Variants in TOX3 observed in about 807,000 individuals in gnomAD.
The protein encoded by TOX3 is CAG trinucleotide repeat-containing gene F9 protein.
A neutral mutation model predicts 64.3 loss-of-function variants in TOX3; 22 were observed. The ratio of observed to expected loss-of-function variants is 0.34; its 90% CI spans 0.24 to 0.49. The LOEUF (loss-of-function observed/expected upper bound fraction) is 0.49, where lower values mean the gene tolerates loss of function less well. Among genes scored for constraint, TOX3 ranks in the 20% least tolerant of loss-of-function variants. The pLI, the probability that TOX3 is intolerant of heterozygous loss-of-function variation, is 0.99. For missense variants in TOX3, 661 were observed against 714.4 expected (o/e 0.93, Z 0.85); for synonymous variants, 291 against 273.6 (o/e 1.06, Z -0.63).
intron 1 of TOX3, among the ~76,000 whole-genome samples, chr16:52,504,426 C>G (rs1015362421): frequency 6.9e-6 from 1 of 145,556 alleles, no homozygotes; most frequent in Non-Finnish European, 1.5e-5. Context: ...GAGATCGTGT[C>G]ACTGCACTCC....
At chr16:52,455,255 G>A (rs1960480880) in intron 3 of TOX3, among the ~76,000 whole-genome samples, 1 of 152,020 alleles carries the variant, frequency 6.6e-6, no homozygotes, top group Admixed American at 6.6e-5. Context: ...GAGTTTCTCA[G>A]CCTGAGTGGT....
intron 1 of TOX3, among the ~76,000 whole-genome samples, chr16:52,472,872 T>A (rs991072996): frequency 2.0e-5 from 3 of 152,166 alleles, no homozygotes; most frequent in Non-Finnish European, 4.4e-5. Context: ...TCCCCAAAGA[T>A]AGAGTCCCCA....
chr16:52,444,401 T>G, intron 5 of TOX3, 45 bp from the exon 6 acceptor site: 1 of 1,463,718 alleles, frequency 6.8e-7, no homozygotes, highest in Non-Finnish European at 9.3e-7. Flanking sequence ...GTATAAATTC[T>G]CAGCTATAAA....
intron 1 of TOX3, among the ~76,000 whole-genome samples, chr16:52,545,703 C>G (rs1377340126): frequency 6.6e-6 from 1 of 152,184 alleles, no homozygotes; most frequent in African/African-American, 2.4e-5. Context: ...TTCTCTGAAT[C>G]TCGCCCTCAG....
At position 52,445,978 on chromosome 16, in the gene TOX3, T is replaced by C. The variant is rs1960149923; in HGVS notation, c.906+16A>G. The C allele has an allele frequency of 3.1e-6, 5 of 1,606,342 alleles. No homozygotes were observed. In the East Asian group the frequency reaches 6.7e-5, roughly 22 times the overall value. On this transcript the variant is annotated intron_variant, in intron 5 of 6. Coordinates refer to ENST00000219746, the MANE Select transcript of TOX3 (RefSeq NM_001080430.4). ...ATGAGGTTTATTGATGGAGCCTTGA[T>C]GGGTCTTTGTCTCACCTGCTTTTGT...
At chr16:52,452,894 T>C (rs1484022569) in intron 3 of TOX3, among the ~76,000 whole-genome samples, 1 of 152,210 alleles carries the variant, frequency 6.6e-6, no homozygotes, top group Non-Finnish European at 1.5e-5. Context: ...CACTCCCTTA[T>C]ATCACCGGCA....
chr16:52,519,707 C>T, intron 1 of TOX3: 1 of 833,436 alleles, frequency 1.2e-6, no homozygotes, highest in Non-Finnish European at 1.6e-6. Context: ...CCTGTAATCC[C>T]AGCACTTTGG....
chr16:52,464,453 A>C (rs1176205171), intron 2 of TOX3, among the ~76,000 whole-genome samples: 1 of 152,196 alleles, frequency 6.6e-6, no homozygotes, highest in Non-Finnish European at 1.5e-5. Flanking sequence ...AATTAGCAAC[A>C]TCTGTCTTTG....
chr16:52,473,362 T>TAA (rs10532665), intron 1 of TOX3, among the ~76,000 whole-genome samples: 94 of 145,468 alleles, frequency 6.5e-4, no homozygotes, highest in African/African-American at 2.2e-3. Flanking sequence ...AACTTAATCC[T>TAA]AAAAAAAAAA....
chr16:52,483,704 G>A (rs1961430169), intron 1 of TOX3, among the ~76,000 whole-genome samples: 2 of 151,114 alleles, frequency 1.3e-5, no homozygotes. Context: ...GAGTAGCTTG[G>A]ATTACAGGTG....
intron 5 of TOX3, 24 bp from the exon 6 acceptor site, chr16:52,444,380 C>A: frequency 6.6e-7 from 1 of 1,523,082 alleles, no homozygotes; most frequent in Non-Finnish European, 8.9e-7. Context: ...ACAATTAGCA[C>A]CACCTTTAGC....
At chr16:52,507,384 T>C (rs1056340829) in intron 1 of TOX3, among the ~76,000 whole-genome samples, 14 of 152,078 alleles carry the variant, frequency 9.2e-5, no homozygotes, top group African/African-American at 3.4e-4. Context: ...ACAGTGAGAG[T>C]GAGACCCCAT....
rs184136413 is a variant in TOX3 at position 52,444,599 on chromosome 16, C to T, written c.907-243G>A. 303 of 361,640 alleles carry T rather than the reference C, an allele frequency of 8.4e-4. No homozygotes were observed. In the East Asian group the frequency reaches 0.012, roughly 15 times the overall value. 22.4% of individuals were successfully genotyped at this position (361,640 alleles called of 1,614,324 possible). ...AGCACAATTTTTATATTTACTATTG[C>T]AAATAAGAAAAAGATTTCTGGATGC... On this transcript the variant is annotated intron_variant, in intron 5 of 6. Coordinates refer to ENST00000219746, the MANE Select transcript of TOX3 (RefSeq NM_001080430.4).
chr16:52,531,577 C>G (rs1252419709), intron 1 of TOX3, among the ~76,000 whole-genome samples: 2 of 152,088 alleles, frequency 1.3e-5, no homozygotes, highest in Non-Finnish European at 2.9e-5. Flanking sequence ...GTAATCTTTA[C>G]ACATTGCAAG....
At chr16:52,547,278 C>G (rs1352220613), upstream of TOX3, 14 of 144,692 alleles carry the variant, frequency 9.7e-5, no homozygotes, top group Admixed American at 8.2e-4. Context: ...CTCCTCGGCC[C>G]GGACCGCCTC....
At chr16:52,484,587 A>G (rs1026902397) in intron 1 of TOX3, among the ~76,000 whole-genome samples, 1 of 152,174 alleles carries the variant, frequency 6.6e-6, no homozygotes, top group Non-Finnish European at 1.5e-5. Flanking sequence ...CTTACAACAA[A>G]TATATTCTGA....
At chr16:52,505,997 G>A (rs534768389) in intron 1 of TOX3, among the ~76,000 whole-genome samples, 21 of 152,158 alleles carry the variant, frequency 1.4e-4, no homozygotes, top group Non-Finnish European at 2.2e-4. Context: ...AGAATTTCTC[G>A]GAAAGTCTTA....
chr16:52,504,345 T>G (rs1364845694), intron 1 of TOX3, among the ~76,000 whole-genome samples: 2 of 151,800 alleles, frequency 1.3e-5, no homozygotes, highest in African/African-American at 4.8e-5. Flanking sequence ...TGGGCACCTG[T>G]CGTTCCAGCT....
intron 1 of TOX3, among the ~76,000 whole-genome samples, chr16:52,489,119 T>C (rs1236897740): frequency 6.6e-6 from 1 of 152,206 alleles, no homozygotes; most frequent in Non-Finnish European, 1.5e-5. Context: ...TCCATCTGTG[T>C]TCTGAATCCC....
Sources: allele counts gnomAD v4.1 joint callset (sites outside exome capture counted in the v4.1 genomes callset), GRCh38; gene constraint gnomAD v4.1.1; transcripts MANE v1.5; gene names NCBI Gene and HGNC (gene_info 2026-07-23, HGNC 2026-07-21).